Variants in ZNF676 observed in about 807,000 individuals in gnomAD.
The protein encoded by ZNF676 is zinc finger protein 676.
In ZNF676, 4 loss-of-function variants were observed where a neutral mutation model predicts 6.0. That is an observed-to-expected ratio of 0.67 (90% confidence interval 0.33 to 1.53). The LOEUF (loss-of-function observed/expected upper bound fraction) is 1.53. Among genes scored for constraint, ZNF676 ranks in the 40% most tolerant of loss-of-function variants. The pLI, the probability that ZNF676 is intolerant of heterozygous loss-of-function variation, is 0.06. For missense variants in ZNF676, 644 were observed against 679.7 expected (o/e 0.95, Z 0.58); for synonymous variants, 198 against 223.1 (o/e 0.89, Z 1.00).
At chr19:22,207,291 A>C (rs545149891) in intron 1 of ZNF676, among the ~76,000 whole-genome samples, 8 of 152,250 alleles carry the variant, frequency 5.3e-5, no homozygotes, top group African/African-American at 1.7e-4. Flanking sequence ...GCAACCCTAT[A>C]TATCAAGAAC....
chr19:22,193,926 C>T (rs1317710300), intron 1 of ZNF676, among the ~76,000 whole-genome samples: 1 of 152,160 alleles, frequency 6.6e-6, no homozygotes, highest in East Asian at 1.9e-4. Context: ...GCACCTCCCA[C>T]TCTTTGATAT....
chr19:22,183,690 C>T (rs2023792989), intron 2 of ZNF676, among the ~76,000 whole-genome samples: 1 of 152,098 alleles, frequency 6.6e-6, no homozygotes, highest in African/African-American at 2.4e-5. Context: ...CTACAAGAGT[C>T]AGTTGAAATC....
At position 22,215,523 on chromosome 19, in the gene ZNF676, G is replaced by C. The variant is rs542546093; in HGVS notation, c.3+109C>G. The C allele has an allele frequency of 8.3e-6, 11 of 1,331,312 alleles. 1 individual carries two copies. The Admixed American group carries it at 2.0e-4, about 24-fold the overall frequency. The allele number at this position is 1,331,312 out of a possible 1,614,324, so 82.5% of individuals were successfully genotyped here. A position where few individuals can be genotyped will look rare whatever the true frequency, so the allele number is the denominator to read the frequency against. On this transcript the variant is annotated intron_variant, in intron 1 of 3. Transcript: ENST00000650058. The stretch of plus-strand genomic sequence containing the variant: ...GGACTGAGGTCGAGCTAGGCAAGGA[G>C]AACTTGTGGAGCTGACTGCGGGTAG...
intron 1 of ZNF676, among the ~76,000 whole-genome samples, chr19:22,213,829 T>C (rs1300505960): frequency 2.6e-5 from 4 of 152,186 alleles, no homozygotes; most frequent in Non-Finnish European, 5.9e-5. Flanking sequence ...TATCTTGGTT[T>C]TTCCCCAGAC....
upstream of ZNF676, among the ~76,000 whole-genome samples, chr19:22,198,505 G>A (rs148298027): frequency 2.7e-3 from 410 of 152,240 alleles, 3 homozygotes; most frequent in African/African-American, 9.6e-3. Context: ...TCTCAGACAT[G>A]TTTAGGTGAA....
At chr19:22,186,476 A>G (rs1027458508) in intron 2 of ZNF676, among the ~76,000 whole-genome samples, 1 of 152,228 alleles carries the variant, frequency 6.6e-6, no homozygotes, top group African/African-American at 2.4e-5. Context: ...TGCATCAACT[A>G]ATGGGCAAAA....
At chr19:22,199,490 T>TAC (rs2024003103), upstream of ZNF676, among the ~76,000 whole-genome samples, 1 of 152,234 alleles carries the variant, frequency 6.6e-6, no homozygotes, top group African/African-American at 2.4e-5. Context: ...AATAGGATGT[T>TAC]AGAGTACTGT....
In ZNF676 at chr19:22,185,570, A is replaced by AT. The variant is rs1420358736; in HGVS notation, c.131-3985dup. Among the ~76,000 whole-genome samples, 7 of 152,222 alleles carry AT rather than the reference A, an allele frequency of 4.6e-5. No homozygotes were observed. The East Asian group carries it at 1.2e-3, about 25-fold the overall frequency. ...AATTTGCAAATTTCAGAGGTGGGTA[A>AT]TAACAAACTCCTCCAAGCTAAAGGA... On this transcript the variant is annotated intron_variant, in intron 2 of 2. Coordinates refer to ENST00000397121, the MANE Select transcript of ZNF676 (RefSeq NM_001001411.3).
At position 22,181,254 on chromosome 19, in the gene ZNF676, G is replaced by A. The variant is rs753525785; in HGVS notation, c.463C>T (p.His155Tyr). 6.2e-7 allele frequency: 1 copy of A among 1,613,790 alleles called. No individual in the cohort carries two copies. The highest frequency in any genetic ancestry group is 2.2e-5 in the East Asian group (1 of 44,844). ...EYVRSFCMLS[H>Y]LSQHERIYTR... Reference sequence around the variant, plus strand: ...TAAATTCTTTCATGTTGAGATAGGTGTGAAAGCATGCAAAATGATCTGACA... The same window carrying A: ...TAAATTCTTTCATGTTGAGATAGGTATGAAAGCATGCAAAATGATCTGACA... The change falls in exon 3 of 3, where the codon CAC (histidine) becomes TAC (tyrosine). Residue 155 changes from histidine to tyrosine, a missense_variant. Physicochemically the swap from His to Tyr is moderately conservative, Grantham distance 83. Transcript: ENST00000397121.
the ZNF676 span, among the ~76,000 whole-genome samples, chr19:22,246,152 G>T: frequency 7.2e-5 from 11 of 151,944 alleles, no homozygotes; most frequent in Non-Finnish European, 1.5e-5. Flanking sequence ...GCGAACAAAG[G>T]CACATCACAT....
chr19:22,223,887 A>G, the ZNF676 span, among the ~76,000 whole-genome samples: 1 of 151,876 alleles, frequency 6.6e-6, no homozygotes, highest in African/African-American at 2.4e-5. Flanking sequence ...CTAAAGTTAA[A>G]TTACAGCAGT....
chr19:22,195,037 T>C (rs1485357027), intron 1 of ZNF676, among the ~76,000 whole-genome samples: 1 of 152,162 alleles, frequency 6.6e-6, no homozygotes, highest in Non-Finnish European at 1.5e-5. Flanking sequence ...TTGACTCCAA[T>C]TATAAAGGAG....
In ZNF676 at chr19:22,191,166, T is replaced by C. The variant is rs183366719; in HGVS notation, c.130+1850A>G. Reference sequence around the variant, plus strand: ...AGACCTTATCTCAAAAATAAGTGCCTTTAAGAGAGCTTTGAGATCCAGTGA... The same window carrying C: ...AGACCTTATCTCAAAAATAAGTGCCCTTAAGAGAGCTTTGAGATCCAGTGA... On this transcript the variant is annotated intron_variant, in intron 2 of 2. Coordinates refer to ENST00000397121, the MANE Select transcript of ZNF676 (RefSeq NM_001001411.3). Among the ~76,000 whole-genome samples, 329 of 152,198 alleles carry C rather than the reference T, an allele frequency of 2.2e-3. 5 individuals carry two copies. The highest frequency in any genetic ancestry group is 0.019 in the Admixed American group (290 of 15,274).
the ZNF676 span, among the ~76,000 whole-genome samples, chr19:22,227,226 A>G: frequency 6.6e-6 from 1 of 152,224 alleles, no homozygotes; most frequent in Non-Finnish European, 1.5e-5. Context: ...CCACTCAACT[A>G]CATGGAAACA....
chr19:22,181,103 G>C lies in ZNF676; in HGVS notation c.614C>G (p.Ala205Gly), dbSNP rs1195053630. Residue 205 changes from alanine to glycine, a missense_variant, in exon 3 of 3, where the codon GCC (alanine) becomes GGC (glycine). Around this residue, in one of 5 missense-constraint regions of ZNF676, gnomAD observed 280 missense variants for 269.3 expected, o/e 1.04. Transcript: ENST00000397121. ...KPYKCEECGK[A>G]FSKFSILTKH... Reference sequence around the variant, plus strand: ...AGTAAGGATTGAGAACTTACTAAAGGCTTTGCCACATTCTTCACATTTGTA... The same window carrying C: ...AGTAAGGATTGAGAACTTACTAAAGCCTTTGCCACATTCTTCACATTTGTA... The C allele has an allele frequency of 1.9e-6, 3 of 1,610,084 alleles. No individual in the cohort carries two copies. Among genetic ancestry groups the C allele is most frequent in the Non-Finnish European group, 2.5e-6 (3 of 1,178,262 alleles).
the ZNF676 span, among the ~76,000 whole-genome samples, chr19:22,230,262 A>T: frequency 4.6e-5 from 7 of 152,314 alleles, no homozygotes; most frequent in South Asian, 1.4e-3. Flanking sequence ...AAAACCAAAC[A>T]CTGCATGTTC....
rs911261003 is a variant in ZNF676, at chr19:22,212,718, C to T, written c.3+2914G>A. 7.4e-5 allele frequency among the ~76,000 whole-genome samples: 11 copies of T among 148,468 alleles called. 1 individual carries two copies. The highest frequency in any genetic ancestry group is 1.6e-4 in the Non-Finnish European group (11 of 67,320). On this transcript the variant is annotated intron_variant, in intron 1 of 3. Transcript: ENST00000650058. ...AAACACTGTCTAAAACAAAAAAGTC[C>T]GTGTGCGGTGGCTCACGTCTGTAAT...
chr19:22,180,628 T>C lies in ZNF676; in HGVS notation c.1089A>G (p.Lys363=). 1.2e-6 allele frequency: 2 copies of C among 1,612,868 alleles called. No individual in the cohort carries two copies. Among genetic ancestry groups the C allele is most frequent in the Non-Finnish European group, 1.7e-6 (2 of 1,179,478 alleles). Residue 363 remains lysine, a synonymous_variant, in exon 3 of 3, where the codon AAA becomes AAG. Coordinates refer to ENST00000397121, the MANE Select transcript of ZNF676 (RefSeq NM_001001411.3). ...TGCCACATCCTTCACATTTGTAGGG[T>C]TTCTCTCCAGTATGAATAATCTTAT... The part of the protein sequence containing the change: ...TKHKIIHTGE[K]PYKCEGCGKA...
upstream of ZNF676, among the ~76,000 whole-genome samples, chr19:22,200,515 A>ATT (rs3035052): frequency 0.065 from 6,876 of 105,524 alleles, 574 homozygotes; most frequent in East Asian, 0.23. Flanking sequence ...TGCTTCATCA[A>ATT]TTTTTTTTTT....
Sources: gnomAD v4.1 joint callset for allele counts (sites outside exome capture counted in the v4.1 genomes callset) on GRCh38, gnomAD v4.1.1 for gene constraint, gnomAD v4.1.1 regional missense constraint, MANE v1.5 for transcripts, NCBI Gene and HGNC (gene_info 2026-07-23, HGNC 2026-07-21) for gene names.